The following SLC2A13 variants were observed in gnomAD, a reference collection of about 807,000 sequenced individuals.
The protein encoded by SLC2A13 is proton myo-inositol cotransporter.
Under a neutral mutation model 64.4 loss-of-function variants are expected in SLC2A13, and 32 were observed. The ratio of observed to expected loss-of-function variants is 0.50; its 90% CI spans 0.37 to 0.67. SLC2A13 has a LOEUF of 0.67. Ranked by LOEUF, SLC2A13 falls within the 30% of genes least tolerant of loss-of-function variation. The pLI is 0.00. For missense variants in SLC2A13, 743 were observed against 829.2 expected, an observed-to-expected ratio of 0.90 and a Z score of 1.28; for synonymous variants, 338 against 327.1, an observed-to-expected ratio of 1.03 and a Z score of -0.36.
At chr12:39,807,389 CA>C (rs1942013015) in intron 7 of SLC2A13, among the ~76,000 whole-genome samples, 1 of 152,156 alleles carries the variant, frequency 6.6e-6, no homozygotes, top group African/African-American at 2.4e-5. Flanking sequence ...GAAACAATAT[CA>C]ATCTCCTGGG....
At position 40,021,617 on chromosome 12, in the gene SLC2A13, C is replaced by A. The variant is rs531911168; in HGVS notation, c.925+6684G>T. On this transcript the variant is annotated intron_variant, in intron 3 of 9. Transcript: ENST00000280871. ...AGAATATTGGATATAGAAATGTTTT[C>A]TTTGCCAATATTTAGAAAATTGCAG... Among the ~76,000 whole-genome samples, 4 of 152,210 alleles carry A rather than the reference C, an allele frequency of 2.6e-5. No homozygotes were observed. In the South Asian group the frequency reaches 6.2e-4, roughly 24 times the overall value.
At chr12:39,955,333 TAA>T (rs765402201) in intron 3 of SLC2A13, among the ~76,000 whole-genome samples, 1 of 152,154 alleles carries the variant, frequency 6.6e-6, no homozygotes, top group African/African-American at 2.4e-5. Context: ...GGAATGGAGC[TAA>T]AGTGTAACAG....
chr12:39,850,017 G>A (rs1447303454), intron 6 of SLC2A13, among the ~76,000 whole-genome samples: 1 of 151,916 alleles, frequency 6.6e-6, no homozygotes, highest in African/African-American at 2.4e-5. Flanking sequence ...TCTTGAAAAG[G>A]CAACTCAAAT....
intron 3 of SLC2A13, among the ~76,000 whole-genome samples, chr12:39,964,017 A>T (rs1175825346): frequency 6.6e-6 from 1 of 152,202 alleles, no homozygotes; most frequent in African/African-American, 2.4e-5. Flanking sequence ...TTCCGGAAGT[A>T]TGACTACTGC....
intron 7 of SLC2A13, among the ~76,000 whole-genome samples, chr12:39,827,746 C>A (rs189627950): frequency 7.2e-5 from 11 of 152,152 alleles, no homozygotes; most frequent in African/African-American, 2.4e-4. Flanking sequence ...TACTGATGGA[C>A]CTTTGAAGTT....
chr12:39,774,540 C>T (rs559354064), intron 7 of SLC2A13, among the ~76,000 whole-genome samples: 4 of 150,210 alleles, frequency 2.7e-5, no homozygotes, highest in Admixed American at 6.6e-5. Context: ...AGTGTGGAGA[C>T]CATGTTGAAA....
chr12:39,989,265 C>T (rs1947089593), intron 3 of SLC2A13, among the ~76,000 whole-genome samples: 1 of 152,188 alleles, frequency 6.6e-6, no homozygotes, highest in South Asian at 2.1e-4. Context: ...CTTTTGAATA[C>T]ATGCCACCTC....
chr12:39,832,097 C>A (rs560368537), intron 6 of SLC2A13, among the ~76,000 whole-genome samples: 17 of 152,172 alleles, frequency 1.1e-4, no homozygotes, highest in Admixed American at 9.2e-4. Flanking sequence ...AAAAGAGAGG[C>A]CATTCAAATG....
chr12:39,774,021 C>T (rs1366833310), intron 7 of SLC2A13, among the ~76,000 whole-genome samples: 1 of 152,168 alleles, frequency 6.6e-6, no homozygotes, highest in Admixed American at 6.5e-5. Flanking sequence ...GGTCCCTAAG[C>T]TATCACCTCA....
chr12:39,875,872 C>T (rs1566893270), intron 4 of SLC2A13, among the ~76,000 whole-genome samples: 2 of 152,174 alleles, frequency 1.3e-5, no homozygotes, highest in Non-Finnish European at 2.9e-5. Flanking sequence ...ACTGAGTTTA[C>T]AATCTTCTAA....
intron 7 of SLC2A13, among the ~76,000 whole-genome samples, chr12:39,815,429 G>A (rs1566822883): frequency 1.3e-5 from 2 of 152,270 alleles, no homozygotes; most frequent in South Asian, 2.1e-4. Flanking sequence ...CAGGTTCTTT[G>A]TCAAAACAGC....
rs1161840484 is a variant in SLC2A13, at chr12:39,833,892, TAA to T, written c.1320-3666_1320-3665del. 7.3e-3 allele frequency among the ~76,000 whole-genome samples: 644 copies of T among 88,344 alleles called. 2 individuals carry two copies. The highest frequency in any genetic ancestry group is 0.016 in the African/African-American group (401 of 24,992). 58.0% of individuals were successfully genotyped at this position (88,344 alleles called of 152,430 possible). ...CACTTTTGCCTCTGAAGCATGGTCA[TAA>T]AAAAAAAAAAAAAAAAAAAATCTCT... On this transcript the variant is annotated intron_variant, in intron 6 of 9. Coordinates refer to ENST00000280871, the MANE Select transcript of SLC2A13 (RefSeq NM_052885.4).
chr12:40,005,211 T>C (rs558249032), intron 3 of SLC2A13, among the ~76,000 whole-genome samples: 17 of 152,322 alleles, frequency 1.1e-4, no homozygotes, highest in African/African-American at 4.1e-4. Context: ...AAAAGGGGCC[T>C]GTAGCTACAG....
At chr12:39,947,158 C>T (rs1157204129) in intron 4 of SLC2A13, among the ~76,000 whole-genome samples, 1 of 152,186 alleles carries the variant, frequency 6.6e-6, no homozygotes. Context: ...ATAAAGCTGG[C>T]AATATTACTC....
intron 3 of SLC2A13, among the ~76,000 whole-genome samples, chr12:39,993,938 C>A (rs1306012366): frequency 1.3e-5 from 2 of 152,270 alleles, no homozygotes; most frequent in East Asian, 3.9e-4. Context: ...AGGAAACATA[C>A]ACAGATTTGT....
At chr12:39,783,443 C>G (rs1372160973) in intron 7 of SLC2A13, among the ~76,000 whole-genome samples, 1 of 152,170 alleles carries the variant, frequency 6.6e-6, no homozygotes, top group Non-Finnish European at 1.5e-5. Context: ...GAGGAATCAC[C>G]ACACTGTCTT....
chr12:40,008,608 C>T (rs1420121916), intron 3 of SLC2A13, among the ~76,000 whole-genome samples: 1 of 147,472 alleles, frequency 6.8e-6, no homozygotes, highest in East Asian at 2.0e-4. Flanking sequence ...GAGACTGCGT[C>T]ACTCCAAAAA....
chr12:39,997,432 TC>T (rs201416238), intron 3 of SLC2A13, among the ~76,000 whole-genome samples: 52 of 152,184 alleles, frequency 3.4e-4, no homozygotes, highest in African/African-American at 1.2e-3. Context: ...CAAAAGAAGA[TC>T]TACAAATGGC....
At chr12:39,941,566 A>C (rs4767958) in intron 4 of SLC2A13, among the ~76,000 whole-genome samples, 148,419 of 152,240 alleles carry the variant, frequency 0.97, 72,468 homozygotes, top group Middle Eastern at 1. Context: ...ATTTCTATAT[A>C]TCCTGTTGAG....
Sources: allele counts gnomAD v4.1 joint callset (sites outside exome capture counted in the v4.1 genomes callset), GRCh38; gene constraint gnomAD v4.1.1; transcripts MANE v1.5; gene names NCBI Gene and HGNC (gene_info 2026-07-23, HGNC 2026-07-21).